Variants in B3GALT1 observed in about 807,000 individuals in gnomAD.
B3GALT1 encodes the protein UDP-Gal:betaGlcNAc beta 1,3-galactosyltransferase, polypeptide 1.
A neutral mutation model predicts 23.2 loss-of-function variants in B3GALT1; 10 were observed. The ratio of observed to expected loss-of-function variants is 0.43; its 90% CI spans 0.27 to 0.73. B3GALT1 has a LOEUF of 0.73. Ranked by LOEUF, B3GALT1 falls within the 30% of genes least tolerant of loss-of-function variation. The pLI is 0.21. For missense variants in B3GALT1, 299 were observed against 405.4 expected, an observed-to-expected ratio of 0.74 and a Z score of 2.25; for synonymous variants, 156 against 141.5, an observed-to-expected ratio of 1.10 and a Z score of -0.73.
chr2:167,503,607 C>G (rs1229905988), intron 2 of B3GALT1, among the ~76,000 whole-genome samples: 2 of 152,198 alleles, frequency 1.3e-5, no homozygotes, highest in Admixed American at 6.5e-5. Context: ...CAAACGTACT[C>G]TTCCCTTGAG....
At chr2:167,449,346 T>C (rs1429799266) in intron 1 of B3GALT1, among the ~76,000 whole-genome samples, 1 of 152,128 alleles carries the variant, frequency 6.6e-6, no homozygotes, top group Non-Finnish European at 1.5e-5. Flanking sequence ...TGTTTGTTGT[T>C]TGTTTTTGAA....
chr2:167,648,378 A>G (rs1027628895), intron 3 of B3GALT1, among the ~76,000 whole-genome samples: 1 of 152,056 alleles, frequency 6.6e-6, no homozygotes, highest in African/African-American at 2.4e-5. Flanking sequence ...ATTACACTAA[A>G]CAAAGTCCTT....
At chr2:167,601,508 T>C (rs926489067) in intron 2 of B3GALT1, among the ~76,000 whole-genome samples, 4 of 152,230 alleles carry the variant, frequency 2.6e-5, no homozygotes, top group Non-Finnish European at 5.9e-5. Context: ...ATATCTCCAT[T>C]ACATGTTTTT....
chr2:167,475,242 G>A (rs1481357692), intron 1 of B3GALT1, among the ~76,000 whole-genome samples: 1 of 151,992 alleles, frequency 6.6e-6, no homozygotes, highest in Non-Finnish European at 1.5e-5. Context: ...CCCTCTCTTT[G>A]TCCAGCATAT....
At chr2:167,719,919 G>T (rs909206856) in intron 3 of B3GALT1, among the ~76,000 whole-genome samples, 8 of 151,438 alleles carry the variant, frequency 5.3e-5, no homozygotes, top group African/African-American at 1.5e-4. Flanking sequence ...GTGACAGAGC[G>T]AGACCCTGTC....
chr2:167,837,404 C>T (rs971595550), intron 4 of B3GALT1, among the ~76,000 whole-genome samples: 20 of 151,280 alleles, frequency 1.3e-4, no homozygotes, highest in Non-Finnish European at 2.2e-4. Flanking sequence ...AGACTTTAAA[C>T]CAACAAAGAT....
At chr2:167,476,880 G>A (rs2105333980) in intron 1 of B3GALT1, among the ~76,000 whole-genome samples, 1 of 152,260 alleles carries the variant, frequency 6.6e-6, no homozygotes, top group South Asian at 2.1e-4. Flanking sequence ...GTGAAGAAAA[G>A]AGAAAATACT....
At chr2:167,862,245 G>A (rs1690115823) in intron 4 of B3GALT1, among the ~76,000 whole-genome samples, 1 of 152,202 alleles carries the variant, frequency 6.6e-6, no homozygotes, top group Non-Finnish European at 1.5e-5. Flanking sequence ...GAAGGCCCAA[G>A]AAGAAACCAG....
intron 2 of B3GALT1, among the ~76,000 whole-genome samples, chr2:167,510,748 A>G (rs1316769445): frequency 6.6e-6 from 1 of 152,178 alleles, no homozygotes; most frequent in South Asian, 2.1e-4. Context: ...GAGTAGAAGT[A>G]TAGGAGCTCA....
At chr2:167,306,251 G>T (rs1696550427) in intron 1 of B3GALT1, among the ~76,000 whole-genome samples, 1 of 151,956 alleles carries the variant, frequency 6.6e-6, no homozygotes, top group South Asian at 2.1e-4. Flanking sequence ...GAGTAAATAT[G>T]TGATTGTAAT....
chr2:167,839,118 A>T (rs2105395084), intron 4 of B3GALT1, among the ~76,000 whole-genome samples: 1 of 152,302 alleles, frequency 6.6e-6, no homozygotes, highest in South Asian at 2.1e-4. Flanking sequence ...AAACTGGCAC[A>T]AGACAGGGAT....
intron 2 of B3GALT1, among the ~76,000 whole-genome samples, chr2:167,521,199 G>C (rs1423528520): frequency 6.6e-6 from 1 of 151,990 alleles, no homozygotes; most frequent in East Asian, 1.9e-4. Flanking sequence ...CATTTTAGTA[G>C]AATTCAAGTT....
intron 3 of B3GALT1, among the ~76,000 whole-genome samples, chr2:167,797,445 G>A (rs978954575): frequency 5.9e-5 from 9 of 152,162 alleles, no homozygotes; most frequent in African/African-American, 2.2e-4. Context: ...ATATACAAGT[G>A]CATGTATCTT....
At chr2:167,810,705 C>T (rs972057500) in intron 3 of B3GALT1, among the ~76,000 whole-genome samples, 5 of 145,670 alleles carry the variant, frequency 3.4e-5, no homozygotes, top group Admixed American at 6.7e-5. Context: ...ACTGCATGCC[C>T]GACACAAAGA....
At chr2:167,619,255 CT>C (rs1020107636) in intron 2 of B3GALT1, among the ~76,000 whole-genome samples, 4 of 151,976 alleles carry the variant, frequency 2.6e-5, no homozygotes, top group East Asian at 1.9e-4. Context: ...TTGGCTCCCC[CT>C]GTCCCCTCCC....
intron 3 of B3GALT1, among the ~76,000 whole-genome samples, chr2:167,687,741 A>T (rs530625738): frequency 1.3e-5 from 2 of 152,272 alleles, no homozygotes; most frequent in South Asian, 4.1e-4. Context: ...GTTTTTCACC[A>T]TTTAAATGAA....
At chr2:167,853,324 C>T (rs938661330) in intron 4 of B3GALT1, among the ~76,000 whole-genome samples, 59 of 152,078 alleles carry the variant, frequency 3.9e-4, no homozygotes, top group Admixed American at 3.3e-3. Flanking sequence ...AATGTCTCTC[C>T]CCCACAATCA....
At chr2:167,839,021 C>T (rs1291048725) in intron 4 of B3GALT1, among the ~76,000 whole-genome samples, 5 of 152,344 alleles carry the variant, frequency 3.3e-5, no homozygotes, top group South Asian at 4.1e-4. Flanking sequence ...ATTGATGGGA[C>T]GTATCTGAAA....
chr2:167,514,873 T>A lies in B3GALT1; in HGVS notation c.-410+24596T>A, dbSNP rs187745816. Among the ~76,000 whole-genome samples, 238 of 152,088 alleles carry A rather than the reference T, an allele frequency of 1.6e-3. 7 individuals carry two copies. In the East Asian group the frequency reaches 0.04, roughly 25 times the overall value. On this transcript the variant is annotated intron_variant, in intron 2 of 4. Transcript: ENST00000392690. Reference sequence around the variant, plus strand: ...GGTAATAGGATCTGGTTAATAAATATAAACTACTATAATTTGTTATGAAGA... The same window carrying A: ...GGTAATAGGATCTGGTTAATAAATAAAAACTACTATAATTTGTTATGAAGA...
Sources: gnomAD v4.1 joint callset for allele counts (sites outside exome capture counted in the v4.1 genomes callset) on GRCh38, gnomAD v4.1.1 for gene constraint, MANE v1.5 for transcripts, NCBI Gene and HGNC (gene_info 2026-07-23, HGNC 2026-07-21) for gene names.